The following CRHR1 variants were observed in gnomAD, a reference collection of about 807,000 sequenced individuals.
CRHR1 encodes the protein corticotropin releasing hormone receptor 1.
A neutral mutation model predicts 56.0 loss-of-function variants in CRHR1; 28 were observed. The observed-to-expected ratio is 0.50, with a 90% CI of 0.37 to 0.69. The LOEUF (loss-of-function observed/expected upper bound fraction) is 0.69. CRHR1 is among the 30% of genes least tolerant of loss of function. The probability of loss-of-function intolerance (pLI) is 0.00; values close to 1 mark genes in which losing one functional copy is unlikely to be tolerated. For missense variants in CRHR1, 376 were observed against 548.0 expected (o/e 0.69, Z 3.13); for synonymous variants, 195 against 216.5 (o/e 0.90, Z 0.87).
intron 5 of CRHR1, chr17:45,829,786 G>C: frequency 1.1e-6 from 1 of 931,410 alleles, no homozygotes; most frequent in South Asian, 1.5e-5. Flanking sequence ...TGGAATGGCA[G>C]GGAGTAGAAG....
At chr17:45,809,855 G>T (rs955447263) in intron 2 of CRHR1, among the ~76,000 whole-genome samples, 1 of 152,236 alleles carries the variant, frequency 6.6e-6, no homozygotes, top group Non-Finnish European at 1.5e-5. Flanking sequence ...ATAAAATCAT[G>T]GCATGAGTAT....
At chr17:45,790,445 C>A (rs550051006) in intron 1 of CRHR1, among the ~76,000 whole-genome samples, 4 of 152,260 alleles carry the variant, frequency 2.6e-5, no homozygotes, top group East Asian at 1.9e-4. Flanking sequence ...CGTAGAACTG[C>A]GGATTCAAAT....
At chr17:45,809,152 G>A (rs2061772471) in intron 2 of CRHR1, among the ~76,000 whole-genome samples, 1 of 152,212 alleles carries the variant, frequency 6.6e-6, no homozygotes, top group South Asian at 2.1e-4. Flanking sequence ...AGGTGAGCAA[G>A]GACCAGTAGG....
chr17:45,795,706 C>T (rs1015010110), intron 1 of CRHR1, among the ~76,000 whole-genome samples: 4 of 152,316 alleles, frequency 2.6e-5, no homozygotes, highest in Admixed American at 2.0e-4. Context: ...GCCTATTGAA[C>T]CCCAATTTTG....
At chr17:45,811,195 A>G (rs1452855999) in intron 2 of CRHR1, among the ~76,000 whole-genome samples, 1 of 152,230 alleles carries the variant, frequency 6.6e-6, no homozygotes, top group Non-Finnish European at 1.5e-5. Flanking sequence ...ATGGGAGGCA[A>G]ACTGTGTAAC....
intron 2 of CRHR1, among the ~76,000 whole-genome samples, chr17:45,809,340 C>G (rs1489751976): frequency 2.0e-5 from 3 of 152,132 alleles, no homozygotes; most frequent in Non-Finnish European, 4.4e-5. Context: ...GGGAGGAGAG[C>G]TGCTCAGAGG....
chr17:45,785,106 C>T (rs1305291258), intron 1 of CRHR1, among the ~76,000 whole-genome samples: 2 of 152,242 alleles, frequency 1.3e-5, no homozygotes, highest in Non-Finnish European at 2.9e-5. Flanking sequence ...AGCCCTTGAT[C>T]AATATCGCAG....
At chr17:45,814,773 C>A (rs2061894001) in intron 2 of CRHR1, among the ~76,000 whole-genome samples, 1 of 152,266 alleles carries the variant, frequency 6.6e-6, no homozygotes, top group South Asian at 2.1e-4. Context: ...TGATAACATT[C>A]ACAGAGACTC....
chr17:45,818,358 G>C (rs1192028136), intron 3 of CRHR1, among the ~76,000 whole-genome samples: 1 of 152,204 alleles, frequency 6.6e-6, no homozygotes, highest in Non-Finnish European at 1.5e-5. Context: ...TACTTGACAT[G>C]CTCCAGATAA....
intron 8 of CRHR1, among the ~76,000 whole-genome samples, chr17:45,831,405 G>A (rs957307904): frequency 6.6e-6 from 1 of 152,196 alleles, no homozygotes; most frequent in African/African-American, 2.4e-5. Flanking sequence ...CTTAATAAAA[G>A]AGTCCATGAA....
chr17:45,829,970 C>A, intron 5 of CRHR1, 124 bp from the exon 6 acceptor site: 1 of 1,464,184 alleles, frequency 6.8e-7, no homozygotes, highest in Non-Finnish European at 9.3e-7. Context: ...GTGACTTGGC[C>A]AGTCAGCCCC....
At chr17:45,798,482 C>T (rs1432291069) in intron 1 of CRHR1, among the ~76,000 whole-genome samples, 17 of 148,384 alleles carry the variant, frequency 1.1e-4, no homozygotes, top group Admixed American at 3.4e-4. Flanking sequence ...GCCAAGATCG[C>T]GCCACTGCAC....
At position 45,834,063 on chromosome 17, in the gene CRHR1, G is replaced by T; in HGVS notation, c.1107+15G>T. The T allele has an allele frequency of 6.2e-7, 1 of 1,612,742 alleles. No individual in the cohort carries two copies. The highest frequency in any genetic ancestry group is 8.5e-7 in the Non-Finnish European group (1 of 1,178,878). ...TCAATAGTGAGGTGAGGACCCGGGGGCCCTGCAGCGGGGTTCAGGGCTGTG... is the reference window on the plus strand; with the variant it reads ...TCAATAGTGAGGTGAGGACCCGGGGTCCCTGCAGCGGGGTTCAGGGCTGTG... On this transcript the variant is annotated intron_variant, in intron 12 of 12. Coordinates refer to ENST00000314537, the MANE Select transcript of CRHR1 (RefSeq NM_004382.5).
rs2143298848 is a variant in CRHR1, at chr17:45,835,651, C to T, written c.*887C>T. 1 of 152,438 alleles carries T rather than the reference C, an allele frequency of 6.6e-6. No homozygotes were observed. Among genetic ancestry groups the T allele is most frequent in the East Asian group, 1.9e-4 (1 of 5,180 alleles). The allele number at this position is 152,438 out of a possible 1,614,324, so 9.4% of individuals were successfully genotyped here. On this transcript the variant is annotated 3_prime_UTR_variant, in exon 13 of 13. Coordinates refer to ENST00000314537, the MANE Select transcript of CRHR1 (RefSeq NM_004382.5). ...CAGGAGAAGACCCCTGCCCAAGTGG[C>T]TCTTGGGACAACGTGCTGCTTACAC...
At chr17:45,829,821 G>A (rs768365987) in intron 5 of CRHR1, among the ~76,000 whole-genome samples, 4 of 151,992 alleles carry the variant, frequency 2.6e-5, no homozygotes, top group Admixed American at 1.3e-4. Flanking sequence ...AGCGGGCATC[G>A]CCAGGAATCC....
intron 2 of CRHR1, among the ~76,000 whole-genome samples, chr17:45,809,859 T>C (rs1318091211): frequency 6.6e-6 from 1 of 152,248 alleles, no homozygotes; most frequent in East Asian, 1.9e-4. Context: ...AATCATGGCA[T>C]GAGTATGACA....
intron 1 of CRHR1, among the ~76,000 whole-genome samples, chr17:45,794,997 G>A (rs554195382): frequency 6.6e-6 from 1 of 152,278 alleles, no homozygotes; most frequent in African/African-American, 2.4e-5. Context: ...CCTCAACTTT[G>A]GCTGCATCAG....
At chr17:45,809,004 T>C (rs1014577273) in intron 2 of CRHR1, among the ~76,000 whole-genome samples, 4 of 152,220 alleles carry the variant, frequency 2.6e-5, no homozygotes, top group African/African-American at 2.4e-5. Context: ...CTCATAATGA[T>C]GGAGGGAGCA....
At chr17:45,791,399 G>A (rs1009888398) in intron 1 of CRHR1, among the ~76,000 whole-genome samples, 10 of 152,276 alleles carry the variant, frequency 6.6e-5, no homozygotes, top group African/African-American at 1.9e-4. Context: ...CCAAGGGCTC[G>A]CTCAGGGTGG....
Sources: gnomAD v4.1 joint callset for allele counts (sites outside exome capture counted in the v4.1 genomes callset) on GRCh38, gnomAD v4.1.1 for gene constraint, MANE v1.5 for transcripts, NCBI Gene and HGNC (gene_info 2026-07-23, HGNC 2026-07-21) for gene names.